The following FRMPD4 variants were observed in gnomAD, a reference collection of about 807,000 sequenced individuals.
FRMPD4 encodes the protein FERM and PDZ domain containing 4.
In FRMPD4, 22 loss-of-function variants were observed where a neutral mutation model predicts 94.1. That is an observed-to-expected ratio of 0.23 (90% confidence interval 0.17 to 0.33). The LOEUF (loss-of-function observed/expected upper bound fraction) is 0.33. Ranked by LOEUF, FRMPD4 falls within the 10% of genes least tolerant of loss-of-function variation. FRMPD4 has a pLI of 1.00. For missense variants in FRMPD4, 1,111 were observed against 1,339.9 expected, an observed-to-expected ratio of 0.83 and a Z score of 2.67; for synonymous variants, 631 against 548.6, an observed-to-expected ratio of 1.15 and a Z score of -2.10.
At chrX:11,980,297 C>A (rs747896070) in intron 3 of FRMPD4, among the ~76,000 whole-genome samples, 7 of 111,230 alleles carry the variant, frequency 6.3e-5, no homozygotes, top group Admixed American at 9.5e-5. Context: ...ACGTTTAAGG[C>A]CTTCTTTTTT....
rs548500231 is a variant in FRMPD4, at chrX:12,164,042, GT to G, written c.41+25040del. ...TTATTTTTTATTTTTTTGCCCCTTAGTTTTTTTTTTATTATTATTATACTTT... is the reference window on the plus strand; with the variant it reads ...TTATTTTTTATTTTTTTGCCCCTTAGTTTTTTTTTATTATTATTATACTTT... On this transcript the variant is annotated intron_variant, in intron 1 of 16. Coordinates refer to ENST00000675598, the MANE Select transcript of FRMPD4 (RefSeq NM_001368397.1). 1.6e-3 allele frequency among the ~76,000 whole-genome samples: 166 copies of G among 106,565 alleles called. 1 individual carries two copies. The highest frequency in any genetic ancestry group is 3.7e-3 in the African/African-American group (110 of 29,491). 92.5% of individuals were successfully genotyped at this position (106,565 alleles called of 115,157 possible).
rs1243548113 is a variant in FRMPD4 at position 12,722,422 on chromosome X, A to G, written c.*564A>G. The G allele has an allele frequency of 8.9e-6, 1 of 112,180 alleles. No homozygotes were observed. The highest frequency in any genetic ancestry group is 1.9e-5 in the Non-Finnish European group (1 of 53,245). The allele number at this position is 112,180 out of a possible 1,213,427, so 9.2% of individuals were successfully genotyped here. A position where few individuals can be genotyped will look rare whatever the true frequency, so the allele number is the denominator to read the frequency against. On this transcript the variant is annotated 3_prime_UTR_variant, in exon 17 of 17. Transcript: ENST00000675598. ...AATTTTTTGCTCATAGTATTTGGTT[A>G]CTGGATGCTTTCTTCCAAGAATCCC...
At chrX:12,679,466 CA>C (rs2059943004) in intron 5 of FRMPD4, among the ~76,000 whole-genome samples, 2 of 111,146 alleles carry the variant, frequency 1.8e-5, no homozygotes, top group South Asian at 7.8e-4. Context: ...CAGGGTGGAA[CA>C]CACAAGAAAA....
At chrX:12,614,931 C>A in intron 4 of FRMPD4, 50 bp downstream of exon 4, 1 of 691,384 alleles carries the variant, frequency 1.4e-6, no homozygotes, top group Non-Finnish European at 2.3e-6. Context: ...GGCTGCTGCA[C>A]AGCTCTGAGG....
At chrX:12,545,546 A>C (rs746370805) in intron 2 of FRMPD4, among the ~76,000 whole-genome samples, 46 of 112,970 alleles carry the variant, frequency 4.1e-4, no homozygotes, top group African/African-American at 1.3e-3. Context: ...CAAAAAGAAA[A>C]ACAGACTTTT....
At chrX:11,828,051 T>C (rs1051668776) in intron 1 of FRMPD4, among the ~76,000 whole-genome samples, 2 of 111,768 alleles carry the variant, frequency 1.8e-5, no homozygotes, top group Non-Finnish European at 3.8e-5. Context: ...GAAGAAGGGA[T>C]AGAGCACAGT....
At chrX:12,034,554 C>T (rs970566512) in intron 3 of FRMPD4, among the ~76,000 whole-genome samples, 5 of 111,701 alleles carry the variant, frequency 4.5e-5, no homozygotes, top group Non-Finnish European at 9.4e-5. Context: ...TTTTATATAA[C>T]GCTTCTGCTC....
At chrX:11,931,202 C>T (rs1156528426) in intron 3 of FRMPD4, among the ~76,000 whole-genome samples, 1 of 111,620 alleles carries the variant, frequency 9.0e-6, no homozygotes, top group Non-Finnish European at 1.9e-5. Flanking sequence ...TGTGTGTGTC[C>T]CATCAGTGAG....
chrX:12,496,732 C>G (rs761351412), intron 1 of FRMPD4, among the ~76,000 whole-genome samples: 1 of 111,502 alleles, frequency 9.0e-6, no homozygotes, highest in African/African-American at 3.3e-5. Context: ...AACACATTAA[C>G]AGACATGTAG....
chrX:11,912,691 T>C (rs922112649), intron 3 of FRMPD4, among the ~76,000 whole-genome samples: 1 of 111,082 alleles, frequency 9.0e-6, no homozygotes, highest in African/African-American at 3.3e-5. Context: ...TTTTTAAACA[T>C]GTGGAACCTA....
chrX:12,473,991 A>C (rs1490588251), intron 1 of FRMPD4, among the ~76,000 whole-genome samples: 5 of 109,899 alleles, frequency 4.5e-5, no homozygotes, highest in East Asian at 2.8e-4. Flanking sequence ...GAACTCTCCA[A>C]CCCAAATCAA....
At chrX:12,614,920 A>G in intron 4 of FRMPD4, 39 bp downstream of exon 4, 1 of 759,415 alleles carries the variant, frequency 1.3e-6, no homozygotes, top group South Asian at 2.4e-5. Context: ...TCTGCTTTGA[A>G]GGCTGCTGCA....
intron 1 of FRMPD4, among the ~76,000 whole-genome samples, chrX:12,166,877 T>C (rs2056129013): frequency 9.0e-6 from 1 of 111,618 alleles, no homozygotes. Flanking sequence ...AGTTTGTATT[T>C]CTGTGGGATC....
intron 16 of FRMPD4, 54 bp from the exon 17 acceptor site, chrX:12,720,480 C>T (rs766765749): frequency 2.6e-6 from 3 of 1,163,731 alleles, no homozygotes; most frequent in South Asian, 3.6e-5. Flanking sequence ...GTAAAAATGA[C>T]CTCCCAGGAG....
At chrX:12,310,904 AC>A (rs1026950706) in intron 1 of FRMPD4, among the ~76,000 whole-genome samples, 1 of 112,603 alleles carries the variant, frequency 8.9e-6, no homozygotes, top group Admixed American at 9.4e-5. Flanking sequence ...TATGTCTCAT[AC>A]AAACAGCATA....
intron 1 of FRMPD4, among the ~76,000 whole-genome samples, chrX:12,188,598 G>T (rs765459777): frequency 1.8e-5 from 2 of 111,686 alleles, no homozygotes; most frequent in African/African-American, 3.2e-5. Context: ...CAAGAATTTC[G>T]ATACGAAACC....
chrX:12,062,061 C>A (rs2054890136), intron 3 of FRMPD4, among the ~76,000 whole-genome samples: 1 of 111,710 alleles, frequency 9.0e-6, no homozygotes, highest in Admixed American at 9.5e-5. Flanking sequence ...ATGTAAAATA[C>A]CAGAGTACAG....
chrX:12,406,350 T>G (rs2056666618), intron 1 of FRMPD4, among the ~76,000 whole-genome samples: 1 of 112,075 alleles, frequency 8.9e-6, no homozygotes, highest in African/African-American at 3.2e-5. Flanking sequence ...ATCTCTGAAG[T>G]CACAAAGATA....
intron 2 of FRMPD4, among the ~76,000 whole-genome samples, chrX:12,517,631 C>T (rs1192021501): frequency 8.9e-6 from 1 of 112,460 alleles, no homozygotes; most frequent in African/African-American, 3.2e-5. Flanking sequence ...GCAGGAATGC[C>T]CCTGAATAAG....
Sources: gnomAD v4.1 joint callset for allele counts (sites outside exome capture counted in the v4.1 genomes callset) on GRCh38, gnomAD v4.1.1 for gene constraint, MANE v1.5 for transcripts, NCBI Gene and HGNC (gene_info 2026-07-23, HGNC 2026-07-21) for gene names.